Variants in PTPRN2 observed in about 807,000 individuals in gnomAD.
PTPRN2 encodes the protein receptor-type tyrosine-protein phosphatase N2.
In PTPRN2, 74 loss-of-function variants were observed where a neutral mutation model predicts 118.8. The ratio of observed to expected loss-of-function variants is 0.62; its 90% CI spans 0.52 to 0.76. PTPRN2 has a LOEUF of 0.76. Ranked by LOEUF, PTPRN2 falls within the 30% of genes least tolerant of loss-of-function variation. The probability of loss-of-function intolerance (pLI) is 0.00; values close to 1 mark genes in which losing one functional copy is unlikely to be tolerated. For missense variants in PTPRN2, 1,481 were observed against 1,394.4 expected, an observed-to-expected ratio of 1.06 and a Z score of -0.99; for synonymous variants, 641 against 608.0, an observed-to-expected ratio of 1.05 and a Z score of -0.80.
At chr7:158,481,625 G>A (rs141611704) in intron 2 of PTPRN2, among the ~76,000 whole-genome samples, 207 of 152,192 alleles carry the variant, frequency 1.4e-3, no homozygotes, top group Middle Eastern at 6.8e-3. Context: ...CACCATGCCC[G>A]GCTAATTTTT....
At chr7:158,068,187 G>C (rs1489781015) in intron 11 of PTPRN2, among the ~76,000 whole-genome samples, 1 of 152,244 alleles carries the variant, frequency 6.6e-6, no homozygotes, top group Admixed American at 6.5e-5. Context: ...AGAGCGTGGG[G>C]ACTTCATCCC....
chr7:158,086,237 AGGTAGCCCACC>A (rs1374366066), intron 10 of PTPRN2, among the ~76,000 whole-genome samples: 3,381 of 152,274 alleles, frequency 0.022, 126 homozygotes, highest in African/African-American at 0.077. Context: ...AGTTAGGAAC[AGGTAGCCCACC>A]GCTCCCAGGC....
intron 3 of PTPRN2, among the ~76,000 whole-genome samples, chr7:158,283,514 G>T (rs1050405011): frequency 1.3e-5 from 2 of 152,024 alleles, no homozygotes; most frequent in Non-Finnish European, 2.9e-5. Context: ...GCCACGTCGT[G>T]GAGTCTGCAG....
chr7:158,115,172 C>T (rs1816630920), intron 9 of PTPRN2, among the ~76,000 whole-genome samples: 1 of 152,036 alleles, frequency 6.6e-6, no homozygotes, highest in Admixed American at 6.5e-5. Context: ...AGCAAGACCC[C>T]ATATCCAAAA....
In PTPRN2 at chr7:158,571,133, T is replaced by G. The variant is rs577437900; in HGVS notation, c.112+16425A>C. Among the ~76,000 whole-genome samples, 14 of 152,332 alleles carry G rather than the reference T, an allele frequency of 9.2e-5. 1 individual carries two copies. The East Asian group carries it at 1.2e-3, about 13-fold the overall frequency. On this transcript the variant is annotated intron_variant, in intron 1 of 22. Transcript: ENST00000389418. ...GTGGCAAGGCTTGGAATATTTTTTG[T>G]TTTTGTTTTTGCTTATTTTTTTTTA...
At position 157,617,274 on chromosome 7, in the gene PTPRN2, T is replaced by A. The variant is rs1381620972; in HGVS notation, c.2344+4088A>T. On this transcript the variant is annotated intron_variant, in intron 15 of 22. Coordinates refer to ENST00000389418, the MANE Select transcript of PTPRN2 (RefSeq NM_002847.5). The surrounding 1 kb of genome is among the most constrained non-coding windows in gnomAD (Gnocchi z 7.5). The stretch of plus-strand genomic sequence containing the variant: ...TCACGATGCCCCAGTGATGCCGTGG[T>A]TAGGACGCCGTTCACGCAGCTGCAG... 6.8e-6 allele frequency: 1 copy of A among 147,356 alleles called. No homozygotes were observed. Among genetic ancestry groups the A allele is most frequent in the Non-Finnish European group, 1.5e-5 (1 of 67,072 alleles). 9.1% of individuals were successfully genotyped at this position (147,356 alleles called of 1,614,324 possible).
intron 12 of PTPRN2, among the ~76,000 whole-genome samples, chr7:157,823,920 C>T (rs550735724): frequency 3.3e-5 from 5 of 152,132 alleles, no homozygotes; most frequent in Non-Finnish European, 5.9e-5. Context: ...ATCAGTCCTT[C>T]GTTCCACAGC....
intron 13 of PTPRN2, among the ~76,000 whole-genome samples, chr7:157,661,352 C>T (rs1795876470): frequency 6.6e-6 from 1 of 152,290 alleles, no homozygotes; most frequent in Non-Finnish European, 1.5e-5. Flanking sequence ...GGCAGCTCTT[C>T]GCCTGTGCAG....
At chr7:158,169,431 TGTGTGTG>T (rs1823331514) in intron 5 of PTPRN2, among the ~76,000 whole-genome samples, 2 of 147,602 alleles carry the variant, frequency 1.4e-5, no homozygotes, top group African/African-American at 5.1e-5. Flanking sequence ...TGTGTGTGTG[TGTGTGTG>T]TGTGTGTGTG....
At chr7:158,026,410 C>T (rs930240984) in intron 11 of PTPRN2, among the ~76,000 whole-genome samples, 26 of 152,292 alleles carry the variant, frequency 1.7e-4, no homozygotes, top group African/African-American at 4.8e-4. Context: ...TGGCCGAGGA[C>T]GGGCACCAAG....
At chr7:157,971,873 T>C (rs1321111955) in intron 11 of PTPRN2, among the ~76,000 whole-genome samples, 1 of 152,174 alleles carries the variant, frequency 6.6e-6, no homozygotes, top group East Asian at 1.9e-4. Context: ...CCACTGCATA[T>C]GTACAGAAGC....
At chr7:157,551,736 A>ACAGCCACCACACAC (rs1798630255) in intron 21 of PTPRN2, among the ~76,000 whole-genome samples, 1 of 25,036 alleles carries the variant, frequency 4.0e-5, no homozygotes, top group Non-Finnish European at 8.0e-5. Context: ...CCACCACACA[A>ACAGCCACCACACAC]CCCACAGCCA....
At chr7:158,021,603 G>A (rs1001079246) in intron 11 of PTPRN2, among the ~76,000 whole-genome samples, 14 of 151,788 alleles carry the variant, frequency 9.2e-5, no homozygotes, top group South Asian at 2.1e-4. Context: ...GCCAGAAGGC[G>A]CTGCCCACCA....
chr7:158,089,407 A>T (rs1361741176), intron 10 of PTPRN2, among the ~76,000 whole-genome samples: 1 of 34,464 alleles, frequency 2.9e-5, no homozygotes, highest in Non-Finnish European at 1.0e-4. Flanking sequence ...CTTCACACAA[A>T]CCTTCCTCCC....
At chr7:158,209,936 G>A (rs928510707) in intron 3 of PTPRN2, among the ~76,000 whole-genome samples, 1 of 152,130 alleles carries the variant, frequency 6.6e-6, no homozygotes, top group African/African-American at 2.4e-5. Context: ...TAAACAATAT[G>A]CTTCTGAATG....
intron 2 of PTPRN2, among the ~76,000 whole-genome samples, chr7:158,371,756 G>T (rs1810012858): frequency 6.6e-6 from 1 of 152,158 alleles, no homozygotes; most frequent in Non-Finnish European, 1.5e-5. Context: ...CTAAGAATCA[G>T]ACATTGAGAA....
At chr7:158,572,423 C>A (rs1443923035) in intron 1 of PTPRN2, among the ~76,000 whole-genome samples, 1 of 152,190 alleles carries the variant, frequency 6.6e-6, no homozygotes, top group Non-Finnish European at 1.5e-5. Context: ...TCCAGCAGCC[C>A]TGACAGCCCT....
intron 12 of PTPRN2, among the ~76,000 whole-genome samples, chr7:157,696,675 G>C (rs1428111258): frequency 1.3e-5 from 2 of 149,218 alleles, no homozygotes; most frequent in Admixed American, 1.3e-4. Context: ...ATGCATACTG[G>C]ATCTTGGCAG....
intron 1 of PTPRN2, among the ~76,000 whole-genome samples, chr7:158,558,357 G>A (rs772481757): frequency 5.3e-5 from 8 of 152,184 alleles, no homozygotes; most frequent in Non-Finnish European, 1.2e-4. Flanking sequence ...GACTCCAAAT[G>A]TATTGTTGGA....
Sources: allele counts gnomAD v4.1 joint callset (sites outside exome capture counted in the v4.1 genomes callset), GRCh38; gene constraint gnomAD v4.1.1; non-coding constraint Gnocchi (gnomAD v3.1); transcripts MANE v1.5; gene names NCBI Gene and HGNC (gene_info 2026-07-23, HGNC 2026-07-21).